The following KCNH8 variants were observed in gnomAD, a reference collection of about 807,000 sequenced individuals.
The protein encoded by KCNH8 is voltage-gated delayed rectifier potassium channel KCNH8.
In KCNH8, 70 loss-of-function variants were observed where a neutral mutation model predicts 103.6. That is an observed-to-expected ratio of 0.68 (90% CI 0.56 to 0.82). The LOEUF (loss-of-function observed/expected upper bound fraction) is 0.82, where lower values mean the gene tolerates loss of function less well. Ranked by LOEUF, KCNH8 falls within the 40% of genes least tolerant of loss-of-function variation. KCNH8 has a pLI of 0.00. For missense variants in KCNH8, 1,217 were observed against 1,329.9 expected (o/e 0.92, Z 1.32); for synonymous variants, 498 against 489.4 (o/e 1.02, Z -0.23).
At chr3:19,443,289 G>A (rs1435980183) in intron 8 of KCNH8, among the ~76,000 whole-genome samples, 1 of 150,974 alleles carries the variant, frequency 6.6e-6, no homozygotes, top group Non-Finnish European at 1.5e-5. Context: ...GAGAAGAAAT[G>A]GGTGAAAAAA....
chr3:19,428,828 A>G (rs184064451), intron 7 of KCNH8, among the ~76,000 whole-genome samples: 1 of 152,342 alleles, frequency 6.6e-6, no homozygotes, highest in African/African-American at 2.4e-5. Flanking sequence ...CTTCTGGGTT[A>G]TCAAGGTTTA....
intron 3 of KCNH8, among the ~76,000 whole-genome samples, chr3:19,308,702 CTCTCTCTCTCTCTCT>C (rs2065165445): frequency 1.0e-4 from 8 of 79,870 alleles, no homozygotes; most frequent in African/African-American, 1.3e-4. Context: ...CTCTCTCTCT[CTCTCTCTCTCTCTCT>C]CCCCCTCTCT....
At chr3:19,432,139 T>C (rs1264694252) in intron 7 of KCNH8, among the ~76,000 whole-genome samples, 1 of 152,176 alleles carries the variant, frequency 6.6e-6, no homozygotes, top group African/African-American at 2.4e-5. Flanking sequence ...TATTCAAGCA[T>C]ATTATATGGT....
At chr3:19,452,365 C>CAG (rs1452525570) in intron 10 of KCNH8, among the ~76,000 whole-genome samples, 5 of 151,422 alleles carry the variant, frequency 3.3e-5, no homozygotes, top group East Asian at 1.9e-4. Context: ...AGCCTGAGTG[C>CAG]AGAGAGAGAG....
intron 10 of KCNH8, among the ~76,000 whole-genome samples, chr3:19,453,071 C>G (rs1334713302): frequency 6.6e-6 from 1 of 151,994 alleles, no homozygotes; most frequent in Non-Finnish European, 1.5e-5. Context: ...GAACTGGAGG[C>G]CATTATCTTA....
At chr3:19,451,529 A>C in intron 10 of KCNH8, 125 bp downstream of exon 10, 1 of 818,626 alleles carries the variant, frequency 1.2e-6, no homozygotes, top group East Asian at 2.5e-5. Flanking sequence ...ACTCAGGAGT[A>C]TTCCTCATAT....
At chr3:19,180,947 T>G (rs1575418181) in intron 1 of KCNH8, among the ~76,000 whole-genome samples, 1 of 152,144 alleles carries the variant, frequency 6.6e-6, no homozygotes, top group African/African-American at 2.4e-5. Context: ...TTAAATTCTT[T>G]TGGTAGACTA....
chr3:19,513,085 C>G lies in KCNH8; in HGVS notation c.2195C>G (p.Thr732Arg), dbSNP rs1255941037. ...EEAVSLSPIC[T>R]RGSSSRNKKV... is the part of the protein sequence containing the mutation. ...GCAGTCTCCCTCTCTCCCATCTGCA[C>G]AAGGGGATCTTCTTCGCGCAACAAG... The change falls in exon 13 of 16, where the codon ACA (threonine) becomes AGA (arginine). Residue 732 changes from threonine to arginine, a missense_variant. This residue lies in a region of KCNH8 where 558 missense variants were observed against 495.8 expected (regional missense o/e 1.13). Coordinates refer to ENST00000328405, the MANE Select transcript of KCNH8 (RefSeq NM_144633.3). The G allele has an allele frequency of 6.2e-7, 1 of 1,613,670 alleles. No individual in the cohort carries two copies. Among genetic ancestry groups the G allele is most frequent in the Non-Finnish European group, 8.5e-7 (1 of 1,179,918 alleles).
chr3:19,510,314 A>C, intron 11 of KCNH8, 49 bp from the exon 12 acceptor site: 2 of 1,205,612 alleles, frequency 1.7e-6, no homozygotes, highest in Non-Finnish European at 2.5e-6. Flanking sequence ...ACCCAGTCCC[A>C]AACCACCAGG....
chr3:19,181,840 T>C (rs2063456120), intron 1 of KCNH8, among the ~76,000 whole-genome samples: 3 of 152,316 alleles, frequency 2.0e-5, no homozygotes, highest in South Asian at 4.1e-4. Flanking sequence ...TGAAATATCC[T>C]TGATCTAGAA....
chr3:19,320,985 G>T (rs1348003465), intron 3 of KCNH8, among the ~76,000 whole-genome samples: 1 of 151,846 alleles, frequency 6.6e-6, no homozygotes, highest in African/African-American at 2.4e-5. Flanking sequence ...GGTATTCATA[G>T]TAGCCTTGAA....
chr3:19,183,161 G>T (rs1241441835), intron 1 of KCNH8, among the ~76,000 whole-genome samples: 2 of 152,120 alleles, frequency 1.3e-5, no homozygotes, highest in Non-Finnish European at 2.9e-5. Flanking sequence ...CCTATTTAAT[G>T]TTGTACAGGA....
chr3:19,276,978 T>C (rs2064682223), intron 2 of KCNH8, among the ~76,000 whole-genome samples: 1 of 152,110 alleles, frequency 6.6e-6, no homozygotes, highest in Non-Finnish European at 1.5e-5. Flanking sequence ...AAGGTATGGA[T>C]AAAGTGTGAT....
chr3:19,453,902 A>G (rs139264766), intron 10 of KCNH8, among the ~76,000 whole-genome samples: 157 of 152,272 alleles, frequency 1.0e-3, no homozygotes, highest in African/African-American at 3.7e-3. Flanking sequence ...GATAGACACT[A>G]GTGAATGATG....
chr3:19,251,155 C>T (rs935038111), intron 1 of KCNH8, among the ~76,000 whole-genome samples: 1 of 152,114 alleles, frequency 6.6e-6, no homozygotes. Flanking sequence ...AGGGTGCCCC[C>T]CTCTGGAGAC....
At chr3:19,165,078 T>A (rs1206210486) in intron 1 of KCNH8, among the ~76,000 whole-genome samples, 1 of 152,126 alleles carries the variant, frequency 6.6e-6, no homozygotes, top group Non-Finnish European at 1.5e-5. Context: ...CTGTCTTGAT[T>A]GTGGTGGTTT....
chr3:19,309,573 T>G (rs1014024959), intron 3 of KCNH8, among the ~76,000 whole-genome samples: 2 of 151,944 alleles, frequency 1.3e-5, no homozygotes, highest in African/African-American at 4.8e-5. Context: ...TGATAGTGTC[T>G]GATAACTAAC....
At chr3:19,390,418 C>T (rs1452535561) in intron 5 of KCNH8, 63 bp from the exon 6 acceptor site, 3 of 1,267,730 alleles carry the variant, frequency 2.4e-6, no homozygotes, top group Non-Finnish European at 3.3e-6. Context: ...CATTGTCCTT[C>T]CTACCTTCTT....
intron 1 of KCNH8, among the ~76,000 whole-genome samples, chr3:19,170,707 C>A (rs991255333): frequency 7.4e-6 from 1 of 135,762 alleles, no homozygotes; most frequent in Non-Finnish European, 1.7e-5. Context: ...TATATATACA[C>A]ATATATACAC....
Sources: gnomAD v4.1 joint callset for allele counts (sites outside exome capture counted in the v4.1 genomes callset) on GRCh38, gnomAD v4.1.1 for gene constraint, gnomAD v4.1.1 regional missense constraint, MANE v1.5 for transcripts, NCBI Gene and HGNC (gene_info 2026-07-23, HGNC 2026-07-21) for gene names.